Variants in ASTN2 observed in about 807,000 individuals in gnomAD.
The protein encoded by ASTN2 is astrotactin 2, also known as astrotactin-2.
ASTN2 carries 54 observed loss-of-function variants against 139.8 expected under a neutral mutation model. The observed-to-expected ratio is 0.39, with a 90% confidence interval of 0.31 to 0.48. The LOEUF (loss-of-function observed/expected upper bound fraction) is 0.48, where lower values mean the gene tolerates loss of function less well. Ranked by LOEUF, ASTN2 falls within the 20% of genes least tolerant of loss-of-function variation. The probability of loss-of-function intolerance (pLI) is 0.95; values close to 1 mark genes in which losing one functional copy is unlikely to be tolerated. For missense variants in ASTN2, 1,565 were observed against 1,725.1 expected (o/e 0.91, Z 1.64); for synonymous variants, 756 against 719.5 (o/e 1.05, Z -0.81).
At chr9:117,203,083 G>A (rs943463077) in intron 3 of ASTN2, among the ~76,000 whole-genome samples, 5 of 151,746 alleles carry the variant, frequency 3.3e-5, no homozygotes, top group African/African-American at 7.2e-5. Flanking sequence ...TTTCAGTAAG[G>A]TTGTCATCAA....
At chr9:117,090,359 T>C (rs1437038919) in intron 5 of ASTN2, among the ~76,000 whole-genome samples, 6 of 152,170 alleles carry the variant, frequency 3.9e-5, no homozygotes, top group African/African-American at 1.4e-4. Flanking sequence ...TTTGCCTTTT[T>C]CTCCTTCCTT....
At chr9:116,658,579 C>T (rs369261079) in intron 16 of ASTN2, among the ~76,000 whole-genome samples, 2 of 152,148 alleles carry the variant, frequency 1.3e-5, no homozygotes, top group East Asian at 1.9e-4. Context: ...CCAGGTCTTA[C>T]GAGAAGTCCC....
intron 1 of ASTN2, among the ~76,000 whole-genome samples, chr9:117,329,569 A>G (rs910083402): frequency 6.6e-6 from 1 of 152,142 alleles, no homozygotes; most frequent in African/African-American, 2.4e-5. Context: ...TTTTAGAGGA[A>G]GGGGAGAGGA....
At chr9:116,464,908 A>G (rs918695922) in intron 20 of ASTN2, among the ~76,000 whole-genome samples, 4 of 152,160 alleles carry the variant, frequency 2.6e-5, no homozygotes, top group African/African-American at 4.8e-5. Context: ...CTATTTTCCT[A>G]AGAAACTTGC....
At chr9:117,055,140 G>T (rs911621841) in intron 5 of ASTN2, among the ~76,000 whole-genome samples, 2 of 152,220 alleles carry the variant, frequency 1.3e-5, no homozygotes, top group Admixed American at 6.5e-5. Flanking sequence ...TGTCCTAGAT[G>T]ATATCTCCAG....
At chr9:116,852,334 C>A (rs911034764) in intron 11 of ASTN2, among the ~76,000 whole-genome samples, 1 of 152,154 alleles carries the variant, frequency 6.6e-6, no homozygotes, top group African/African-American at 2.4e-5. Flanking sequence ...CAGATACATT[C>A]AGCAATTTGT....
chr9:116,875,709 C>T (rs909014265), intron 10 of ASTN2, among the ~76,000 whole-genome samples: 1 of 152,174 alleles, frequency 6.6e-6, no homozygotes, highest in Admixed American at 6.5e-5. Flanking sequence ...GGGGTTAATG[C>T]AGCTGTTGAA....
In ASTN2 at chr9:116,471,564, C is replaced by T. The variant is rs372188701; in HGVS notation, c.3497+15795G>A. ...GAATGTTATTTCATTTCTGGCATCC[C>T]GGGGAAAGAGGGACAGAGAAGGAAG... On this transcript the variant is annotated intron_variant, in intron 20 of 22. Transcript: ENST00000313400. Among the ~76,000 whole-genome samples, 34 of 151,518 alleles carry T rather than the reference C, an allele frequency of 2.2e-4. 1 individual carries two copies. The highest frequency in any genetic ancestry group is 7.5e-4 in the African/African-American group (31 of 41,238).
At chr9:116,790,335 A>G (rs536527376) in intron 13 of ASTN2, among the ~76,000 whole-genome samples, 1 of 152,254 alleles carries the variant, frequency 6.6e-6, no homozygotes, top group Admixed American at 6.5e-5. Context: ...TAGAAAGGCA[A>G]TTAGAAGGTG....
intron 5 of ASTN2, among the ~76,000 whole-genome samples, chr9:117,062,974 C>T (rs1839336056): frequency 6.6e-6 from 1 of 152,166 alleles, no homozygotes; most frequent in African/African-American, 2.4e-5. Flanking sequence ...ATACCTCCAC[C>T]AGAGCAGAGA....
At chr9:117,242,593 G>T (rs1482054347) in intron 2 of ASTN2, among the ~76,000 whole-genome samples, 1 of 152,180 alleles carries the variant, frequency 6.6e-6, no homozygotes, top group East Asian at 1.9e-4. Flanking sequence ...ATATACATAT[G>T]GGTGGCCTTG....
chr9:116,806,004 G>T (rs1024469229), intron 12 of ASTN2, among the ~76,000 whole-genome samples, 184 bp from the exon 13 acceptor site: 25 of 152,244 alleles, frequency 1.6e-4, no homozygotes, highest in African/African-American at 5.8e-4. Context: ...ACTGCAAATT[G>T]GTAAATTCAA....
At chr9:117,304,605 T>C (rs1440655136) in intron 1 of ASTN2, among the ~76,000 whole-genome samples, 2 of 152,198 alleles carry the variant, frequency 1.3e-5, no homozygotes, top group East Asian at 1.9e-4. Context: ...ATTGATTGGC[T>C]TCAACAGTAC....
At chr9:116,563,954 G>A (rs530844754) in intron 19 of ASTN2, among the ~76,000 whole-genome samples, 2 of 152,288 alleles carry the variant, frequency 1.3e-5, no homozygotes, top group South Asian at 4.1e-4. Context: ...TAAAAAGCAT[G>A]GGAGATTTTA....
chr9:116,669,617 C>T (rs1859068841), intron 16 of ASTN2, among the ~76,000 whole-genome samples: 1 of 151,966 alleles, frequency 6.6e-6, no homozygotes, highest in Non-Finnish European at 1.5e-5. Flanking sequence ...TTTATTTGGG[C>T]TATTTTCTTA....
At chr9:116,502,843 GGGAA>G (rs751893310) in intron 19 of ASTN2, among the ~76,000 whole-genome samples, 1 of 140,724 alleles carries the variant, frequency 7.1e-6, no homozygotes, top group Non-Finnish European at 1.5e-5. Context: ...GAGGGAGAGA[GGGAA>G]GGAAGGAAGA....
intron 20 of ASTN2, among the ~76,000 whole-genome samples, chr9:116,476,039 T>C (rs971553421): frequency 7.2e-5 from 11 of 152,178 alleles, no homozygotes; most frequent in Non-Finnish European, 1.0e-4. Flanking sequence ...ACAACAGAAG[T>C]GTACTCTCTC....
intron 2 of ASTN2, among the ~76,000 whole-genome samples, chr9:117,271,218 T>G (rs1417144597): frequency 6.6e-6 from 1 of 152,110 alleles, no homozygotes; most frequent in East Asian, 1.9e-4. Flanking sequence ...AAGGCTCTTC[T>G]TACGTGGTGG....
At chr9:116,960,473 ATT>A (rs34290104) in intron 10 of ASTN2, among the ~76,000 whole-genome samples, 11,809 of 148,246 alleles carry the variant, frequency 0.08, 758 homozygotes, top group African/African-American at 0.18. Flanking sequence ...TCTAGGCCTG[ATT>A]TTTTTTTTTT....
Sources: allele counts gnomAD v4.1 joint callset (sites outside exome capture counted in the v4.1 genomes callset), GRCh38; gene constraint gnomAD v4.1.1; transcripts MANE v1.5; gene names NCBI Gene and HGNC (gene_info 2026-07-23, HGNC 2026-07-21).